Variants in FGGY observed in about 807,000 individuals in gnomAD.
FGGY encodes FGGY carbohydrate kinase domain containing.
FGGY carries 72 observed loss-of-function variants against 71.3 expected under a neutral mutation model. That is an observed-to-expected ratio of 1.01 (90% CI 0.84 to 1.23). FGGY has a LOEUF of 1.23. Among genes scored for constraint, FGGY ranks in the 50% most tolerant of loss-of-function variants. FGGY has a pLI of 0.00. For missense variants in FGGY, 668 were observed against 682.3 expected, an observed-to-expected ratio of 0.98 and a Z score of 0.23; for synonymous variants, 251 against 250.3, an observed-to-expected ratio of 1.00 and a Z score of -0.02.
At chr1:59,584,596 T>C (rs2096251927) in intron 8 of FGGY, among the ~76,000 whole-genome samples, 1 of 150,028 alleles carries the variant, frequency 6.7e-6, no homozygotes, top group Non-Finnish European at 1.5e-5. Flanking sequence ...AGCATTCCCT[T>C]TGAAAACTGG....
At chr1:59,727,921 T>G (rs1195512813) in intron 14 of FGGY, among the ~76,000 whole-genome samples, 1 of 152,194 alleles carries the variant, frequency 6.6e-6, no homozygotes. Flanking sequence ...TGCATCCCTT[T>G]ACTTATAACC....
At chr1:59,350,259 A>G (rs908852534) in intron 4 of FGGY, among the ~76,000 whole-genome samples, 1 of 152,168 alleles carries the variant, frequency 6.6e-6, no homozygotes, top group Non-Finnish European at 1.5e-5. Flanking sequence ...ATAAGGACTC[A>G]ACCTTACCAT....
rs138653016 is a variant in FGGY at position 59,624,510 on chromosome 1, C to G, written c.1012-1478C>G. On this transcript the variant is annotated intron_variant, in intron 9 of 15. Transcript: ENST00000303721. ...GATATCATTTATACTACTGTTGGCA[C>G]TATAGTAGTGTATTAGTCCGTTTTC... is the stretch of plus-strand genomic sequence containing the variant. Among the ~76,000 whole-genome samples the G allele has an allele frequency of 3.0e-3, 457 of 152,228 alleles. 5 individuals are homozygous for G. Among genetic ancestry groups the G allele is most frequent in the African/African-American group, 0.01 (434 of 41,536 alleles).
intron 14 of FGGY, among the ~76,000 whole-genome samples, chr1:59,732,890 A>G (rs1366561553): frequency 6.6e-6 from 1 of 152,070 alleles, no homozygotes; most frequent in East Asian, 1.9e-4. Context: ...AGAATTCCAA[A>G]ACCCATCACA....
chr1:59,625,391 A>G (rs2096846331), intron 9 of FGGY, among the ~76,000 whole-genome samples: 1 of 152,112 alleles, frequency 6.6e-6, no homozygotes, highest in African/African-American at 2.4e-5. Context: ...GTCCTTGGAG[A>G]GCTGTGTTTC....
intron 8 of FGGY, among the ~76,000 whole-genome samples, chr1:59,598,222 C>A (rs1473794363): frequency 6.6e-6 from 1 of 152,182 alleles, no homozygotes; most frequent in Non-Finnish European, 1.5e-5. Context: ...TCACTGGAGC[C>A]AGTTAGGCAT....
chr1:59,478,234 A>T (rs1022020449), intron 6 of FGGY, among the ~76,000 whole-genome samples: 1 of 152,156 alleles, frequency 6.6e-6, no homozygotes, highest in Non-Finnish European at 1.5e-5. Context: ...AGTTGTTCTG[A>T]GTAATTACTT....
chr1:59,557,853 G>T (rs642816), intron 8 of FGGY, among the ~76,000 whole-genome samples: 10 of 152,158 alleles, frequency 6.6e-5, no homozygotes, highest in Non-Finnish European at 1.3e-4. Flanking sequence ...ACAGGACCCT[G>T]GGGGGGTCGG....
At chr1:59,651,298 G>C (rs2153933976) in intron 11 of FGGY, among the ~76,000 whole-genome samples, 1 of 151,892 alleles carries the variant, frequency 6.6e-6, no homozygotes, top group South Asian at 2.1e-4. Flanking sequence ...TTCAATTCCT[G>C]GGTATCCTTG....
At chr1:59,332,703 T>C (rs1344033807) in intron 2 of FGGY, among the ~76,000 whole-genome samples, 1 of 152,226 alleles carries the variant, frequency 6.6e-6, no homozygotes, top group Non-Finnish European at 1.5e-5. Flanking sequence ...GAGCACTCTG[T>C]AGGTCTGTTG....
chr1:59,669,687 A>C (rs951484013), intron 13 of FGGY, among the ~76,000 whole-genome samples: 9 of 151,410 alleles, frequency 5.9e-5, no homozygotes, highest in African/African-American at 1.9e-4. Context: ...GAGCCACCGC[A>C]CCCGGCCCCA....
At chr1:59,739,783 A>G (rs1330304319) in intron 14 of FGGY, among the ~76,000 whole-genome samples, 2 of 152,152 alleles carry the variant, frequency 1.3e-5, no homozygotes, top group Non-Finnish European at 2.9e-5. Flanking sequence ...AGCTTAATCC[A>G]GGATGAATTC....
At chr1:59,601,820 A>T (rs72919617) in intron 8 of FGGY, among the ~76,000 whole-genome samples, 2 of 152,314 alleles carry the variant, frequency 1.3e-5, no homozygotes, top group South Asian at 4.1e-4. Context: ...CTGAATACTT[A>T]ATCAGCTAAT....
intron 4 of FGGY, among the ~76,000 whole-genome samples, chr1:59,357,182 CT>C (rs2054494779): frequency 1.3e-5 from 2 of 152,208 alleles, no homozygotes; most frequent in South Asian, 4.1e-4. Flanking sequence ...ACAGTGAATC[CT>C]TTCCTTATTA....
chr1:59,529,884 G>C (rs2095093820), intron 7 of FGGY, among the ~76,000 whole-genome samples: 1 of 152,166 alleles, frequency 6.6e-6, no homozygotes, highest in Non-Finnish European at 1.5e-5. Flanking sequence ...CCATGCATTA[G>C]GCACAAGTTA....
At chr1:59,511,928 G>T (rs189307889) in intron 6 of FGGY, among the ~76,000 whole-genome samples, 24 of 152,292 alleles carry the variant, frequency 1.6e-4, no homozygotes, top group African/African-American at 5.5e-4. Context: ...TGAACATGTG[G>T]GTTTACGTGC....
chr1:59,654,774 T>A (rs2097202895), intron 11 of FGGY, among the ~76,000 whole-genome samples: 1 of 152,116 alleles, frequency 6.6e-6, no homozygotes, highest in Non-Finnish European at 1.5e-5. Context: ...TAGAGTAGGA[T>A]CCCAGGAAAC....
At chr1:59,680,324 C>T (rs2097483677) in intron 14 of FGGY, among the ~76,000 whole-genome samples, 1 of 151,922 alleles carries the variant, frequency 6.6e-6, no homozygotes, top group South Asian at 2.1e-4. Flanking sequence ...CAGTGTCCCT[C>T]AGAAAGTCAA....
intron 14 of FGGY, among the ~76,000 whole-genome samples, chr1:59,712,844 A>AG (rs1382699617): frequency 4.7e-5 from 7 of 149,702 alleles, no homozygotes; most frequent in South Asian, 2.1e-4. Flanking sequence ...CATTTTCCTC[A>AG]TTGTCTTGGG....
Sources: allele counts gnomAD v4.1 joint callset (sites outside exome capture counted in the v4.1 genomes callset), GRCh38; gene constraint gnomAD v4.1.1; transcripts MANE v1.5; gene names NCBI Gene and HGNC (gene_info 2026-07-23, HGNC 2026-07-21).